Variants in CELSR1 observed in about 807,000 individuals in gnomAD.
The protein encoded by CELSR1 is cadherin EGF LAG seven-pass G-type receptor 1, also known as adhesion G protein-coupled receptor C1.
In CELSR1, 110 loss-of-function variants were observed where a neutral mutation model predicts 249.1. That is an observed-to-expected ratio of 0.44 (90% confidence interval 0.38 to 0.52). The LOEUF (loss-of-function observed/expected upper bound fraction) is 0.52. Ranked by LOEUF, CELSR1 falls within the 20% of genes least tolerant of loss-of-function variation. CELSR1 has a pLI of 0.00. For missense variants in CELSR1, 4,109 were observed against 4,296.4 expected, an observed-to-expected ratio of 0.96 and a Z score of 1.22; for synonymous variants, 2,113 against 1,900.0, an observed-to-expected ratio of 1.11 and a Z score of -2.92.
chr22:46,509,399 C>T (rs1426487216), intron 1 of CELSR1, among the ~76,000 whole-genome samples: 1 of 152,204 alleles, frequency 6.6e-6, no homozygotes, highest in Non-Finnish European at 1.5e-5. Context: ...CTCCTCTCTA[C>T]CTGGGACCCA....
chr22:46,372,278 C>T (rs1242535052), intron 25 of CELSR1, among the ~76,000 whole-genome samples: 1 of 141,168 alleles, frequency 7.1e-6, no homozygotes, highest in Non-Finnish European at 1.5e-5. Flanking sequence ...CCTCACTCAA[C>T]CCCCATCCAT....
intron 1 of CELSR1, among the ~76,000 whole-genome samples, chr22:46,533,403 C>T (rs73454912): frequency 0.016 from 2,449 of 152,374 alleles, 73 homozygotes; most frequent in African/African-American, 0.055. Context: ...CGCAGGCCTG[C>T]TCCCAGGAAA....
intron 1 of CELSR1, among the ~76,000 whole-genome samples, chr22:46,470,402 G>A (rs528882061): frequency 1.1e-4 from 17 of 151,828 alleles, no homozygotes; most frequent in Non-Finnish European, 2.4e-4. Flanking sequence ...TCCAGCACTG[G>A]GGCCTTCCTG....
Position 46,536,276 on chromosome 22 carries a change from C to T in CELSR1, c.895G>A (p.Asp299Asn), listed in dbSNP as rs1276128003. The T allele has an allele frequency of 6.2e-7, 1 of 1,612,484 alleles. No homozygotes were observed. The highest frequency in any genetic ancestry group is 8.5e-7 in the Non-Finnish European group (1 of 1,179,834). The change falls in exon 1 of 35, where the codon GAC (aspartate) becomes AAC (asparagine). Residue 299 changes from aspartate (D) to asparagine (N), a missense_variant. Physicochemically the swap from Asp to Asn is conservative, Grantham distance 23. This residue lies in a region of CELSR1 where 673 missense variants were observed against 636.8 expected (regional missense o/e 1.06). Transcript: ENST00000674500. The part of the protein sequence containing the change: ...DERSRGYFRI[D>N]SATGAVSTDS... ...GTGCTCACGGCGCCCGTGGCAGAGT[C>T]GATTCGGAAGTAGCCCCGGGAGCGC... is the stretch of plus-strand genomic sequence containing the variant.
chr22:46,437,145 G>A lies in CELSR1; in HGVS notation c.4407-856C>T, dbSNP rs116639027. ...ATGAACAGGCCTGTCAGAACTTAGAGCACGCTGAGCAAAAACCACCTGCTC... is the reference window on the plus strand; with the variant it reads ...ATGAACAGGCCTGTCAGAACTTAGAACACGCTGAGCAAAAACCACCTGCTC... On this transcript the variant is annotated intron_variant, in intron 3 of 34. Coordinates refer to ENST00000674500, the MANE Select transcript of CELSR1 (RefSeq NM_001378328.1). The surrounding 1 kb of genome is among the most constrained non-coding windows in gnomAD (Gnocchi z 4.9). Among the ~76,000 whole-genome samples, 2,442 of 152,284 alleles carry A rather than the reference G, an allele frequency of 0.016. 66 individuals carry two copies. Among genetic ancestry groups the A allele is most frequent in the African/African-American group, 0.056 (2,322 of 41,552 alleles).
chr22:46,404,611 GA>G (rs2079244942), intron 9 of CELSR1, among the ~76,000 whole-genome samples: 1 of 151,908 alleles, frequency 6.6e-6, no homozygotes, highest in South Asian at 2.1e-4. Flanking sequence ...TTTGGTGGGG[GA>G]GGGGGGCACA....
chr22:46,529,513 A>T (rs928332353), intron 1 of CELSR1, among the ~76,000 whole-genome samples: 1 of 152,048 alleles, frequency 6.6e-6, no homozygotes, highest in Non-Finnish European at 1.5e-5. Context: ...AGCTAAAAAA[A>T]TGAATAAGGC....
intron 20 of CELSR1, among the ~76,000 whole-genome samples, chr22:46,383,944 T>C (rs1276829204): frequency 1.3e-5 from 2 of 152,142 alleles, no homozygotes; most frequent in Non-Finnish European, 2.9e-5. Context: ...GCTGAAATGC[T>C]TGGGAACATT....
chr22:46,505,028 C>T (rs1033723604), intron 1 of CELSR1, among the ~76,000 whole-genome samples: 4 of 151,646 alleles, frequency 2.6e-5, no homozygotes, highest in Admixed American at 1.3e-4. Context: ...TTTGGGAGGC[C>T]GAGGCGGGCG....
At position 46,536,661 on chromosome 22, in the gene CELSR1, G is replaced by A; in HGVS notation, c.510C>T (p.Pro170=). ...PRPRPRCPGR[P]ICLPPGGSVR... is the part of the protein sequence containing the mutation. ...CCGAGCCGCCCGGCGGCAGGCAGAT[G>A]GGACGGCCGGGACAGCGGGGCCTGG... is the stretch of plus-strand genomic sequence containing the variant. The change falls in exon 1 of 35, where the codon CCC becomes CCT. Residue 170 remains proline (P), a synonymous_variant. Coordinates refer to ENST00000674500, the MANE Select transcript of CELSR1 (RefSeq NM_001378328.1). 1.7e-6 allele frequency: 2 copies of A among 1,168,098 alleles called. No individual in the cohort carries two copies. Among genetic ancestry groups the A allele is most frequent in the South Asian group, 4.1e-5 (1 of 24,598 alleles). 72.4% of individuals were successfully genotyped at this position (1,168,098 alleles called of 1,614,324 possible).
rs555505471 is a variant in CELSR1 at position 46,448,806 on chromosome 22, C to T, written c.4184-9395G>A. On this transcript the variant is annotated intron_variant, in intron 2 of 34. Coordinates refer to ENST00000674500, the MANE Select transcript of CELSR1 (RefSeq NM_001378328.1). This position sits in a 1 kb window ranked among gnomAD's most constrained non-coding sequence, Gnocchi z 5.7. ...TCAAAGCCCCATCAAAGAGCTCAGT[C>T]CTAACACTGGATCCTAGGATGCAGA... Among the ~76,000 whole-genome samples, 1 of 152,280 alleles carries T rather than the reference C, an allele frequency of 6.6e-6. No homozygotes were observed. Among genetic ancestry groups the T allele is most frequent in the African/African-American group, 2.4e-5 (1 of 41,544 alleles).
chr22:46,419,557 C>T (rs746179119), intron 5 of CELSR1, among the ~76,000 whole-genome samples: 6 of 152,168 alleles, frequency 3.9e-5, no homozygotes, highest in African/African-American at 1.2e-4. Context: ...GGGATGGGGC[C>T]TCTGAGCTCA....
At chr22:46,382,906 T>G (rs926946402) in intron 20 of CELSR1, among the ~76,000 whole-genome samples, 1 of 152,166 alleles carries the variant, frequency 6.6e-6, no homozygotes. Context: ...AGTTAGTGTT[T>G]CGTGGGCTAG....
At chr22:46,420,756 G>T (rs1014292880) in intron 5 of CELSR1, among the ~76,000 whole-genome samples, 2 of 152,068 alleles carry the variant, frequency 1.3e-5, no homozygotes, top group Non-Finnish European at 2.9e-5. Context: ...TAGTCCCCCT[G>T]CCTCTTCTTG....
chr22:46,459,392 A>C (rs1419404148), intron 2 of CELSR1, among the ~76,000 whole-genome samples: 1 of 152,206 alleles, frequency 6.6e-6, no homozygotes, highest in Non-Finnish European at 1.5e-5. Context: ...GCCACTGCAT[A>C]CCACCCATCA....
intron 19 of CELSR1, among the ~76,000 whole-genome samples, chr22:46,386,002 C>T (rs1054092220): frequency 3.5e-5 from 5 of 142,504 alleles, no homozygotes; most frequent in African/African-American, 1.4e-4. Context: ...TGGAGTCTCG[C>T]TCTGTCACCC....
In CELSR1 at chr22:46,517,503, G is replaced by T. The variant is rs1209954492; in HGVS notation, c.3544+16124C>A. 1.3e-5 allele frequency among the ~76,000 whole-genome samples: 2 copies of T among 152,182 alleles called. No homozygotes were observed. Among genetic ancestry groups the T allele is most frequent in the Non-Finnish European group, 2.9e-5 (2 of 68,036 alleles). The stretch of plus-strand genomic sequence containing the variant: ...AGAACCACAATGGCTGATGTGCACT[G>T]TCCCGGCGCCCCAGGCCGGCTCTTG... On this transcript the variant is annotated intron_variant, in intron 1 of 34. Coordinates refer to ENST00000674500, the MANE Select transcript of CELSR1 (RefSeq NM_001378328.1). This position sits in a 1 kb window ranked among gnomAD's most constrained non-coding sequence, Gnocchi z 5.4.
Position 46,374,067 on chromosome 22 carries a change from A to C in CELSR1, c.7585-1010T>G, listed in dbSNP as rs550143817. Among the ~76,000 whole-genome samples the C allele has an allele frequency of 1.3e-5, 2 of 152,320 alleles. No individual in the cohort carries two copies. Among genetic ancestry groups the C allele is most frequent in the Non-Finnish European group, 2.9e-5 (2 of 68,022 alleles). The stretch of plus-strand genomic sequence containing the variant: ...TCAGCATCGCATCTGTCAGATACGG[A>C]ACAGAGCAGGAACCGAAGCAGGGAA... On this transcript the variant is annotated intron_variant, in intron 24 of 34. Transcript: ENST00000674500. This position sits in a 1 kb window ranked among gnomAD's most constrained non-coding sequence, Gnocchi z 4.3.
rs920574159 is a variant in CELSR1 at position 46,429,355 on chromosome 22, A to G, written c.4611+4038T>C. 6.6e-6 allele frequency among the ~76,000 whole-genome samples: 1 copy of G among 152,040 alleles called. No homozygotes were observed. The highest frequency in any genetic ancestry group is 1.5e-5 in the Non-Finnish European group (1 of 68,020). On this transcript the variant is annotated intron_variant, in intron 5 of 34. Transcript: ENST00000674500. This position sits in a 1 kb window ranked among gnomAD's most constrained non-coding sequence, Gnocchi z 4.1. Reference sequence around the variant, plus strand: ...CTTGAGGGAAAAAACAAACAAACAAACAAACAAAAAACCAGCCTGGGGTGA... The same window carrying G: ...CTTGAGGGAAAAAACAAACAAACAAGCAAACAAAAAACCAGCCTGGGGTGA...
Sources: allele counts gnomAD v4.1 joint callset (sites outside exome capture counted in the v4.1 genomes callset), GRCh38; gene constraint gnomAD v4.1.1; regional missense constraint gnomAD v4.1.1; non-coding constraint Gnocchi (gnomAD v3.1); transcripts MANE v1.5; gene names NCBI Gene and HGNC (gene_info 2026-07-23, HGNC 2026-07-21).